Variants in C1orf198 observed in about 807,000 individuals in gnomAD.
The protein encoded by C1orf198 is uncharacterized protein C1orf198.
In C1orf198, 17 loss-of-function variants were observed where a neutral mutation model predicts 31.4. The observed-to-expected ratio is 0.54, with a 90% CI of 0.37 to 0.81. The LOEUF (loss-of-function observed/expected upper bound fraction) is 0.81. C1orf198 is among the 40% of genes least tolerant of loss of function. The pLI, the probability that C1orf198 is intolerant of heterozygous loss-of-function variation, is 0.00. For missense variants in C1orf198, 401 were observed against 450.3 expected (o/e 0.89, Z 0.99); for synonymous variants, 175 against 193.8 (o/e 0.90, Z 0.81).
rs140040505 is a variant in C1orf198 at position 230,848,319 on chromosome 1, G to A, written c.385-4423C>T. On this transcript the variant is annotated intron_variant, in intron 2 of 3. Transcript: ENST00000366663. Reference sequence around the variant, plus strand: ...TGCTGTTCATAATTTTGCAAATAACGTATAACTACAATCTCCTTTAACAAA... The same window carrying A: ...TGCTGTTCATAATTTTGCAAATAACATATAACTACAATCTCCTTTAACAAA... 6.3e-3 allele frequency among the ~76,000 whole-genome samples: 962 copies of A among 152,278 alleles called. 6 individuals carry two copies. Among genetic ancestry groups the A allele is most frequent in the South Asian group, 0.02 (96 of 4,828 alleles).
intron 1 of C1orf198, among the ~76,000 whole-genome samples, chr1:230,865,566 A>G (rs914274619): frequency 6.6e-6 from 1 of 152,226 alleles, no homozygotes; most frequent in Admixed American, 6.5e-5. Flanking sequence ...CACGGCTTCA[A>G]TACTCAAAGG....
chr1:230,838,315 C>T lies in C1orf198; in HGVS notation c.*1537G>A, dbSNP rs536919539. The T allele has an allele frequency of 6.6e-6, 1 of 152,534 alleles. No homozygotes were observed. The highest frequency in any genetic ancestry group is 2.1e-4 in the South Asian group (1 of 4,824). 9.4% of individuals were successfully genotyped at this position (152,534 alleles called of 1,614,324 possible). A position where few individuals can be genotyped will look rare whatever the true frequency, so the allele number is the denominator to read the frequency against. On this transcript the variant is annotated 3_prime_UTR_variant, in exon 4 of 4. Transcript: ENST00000366663. The surrounding 1 kb of genome is among the most constrained non-coding windows in gnomAD (Gnocchi z 4.2). The stretch of plus-strand genomic sequence containing the variant: ...AAATCACTGAAGCAGAAAGATAAAA[C>T]TATACCCCAAGGATCCAAATGAGGT...
chr1:230,867,204 G>C (rs533658371), intron 1 of C1orf198, among the ~76,000 whole-genome samples: 1 of 152,204 alleles, frequency 6.6e-6, no homozygotes, highest in Admixed American at 6.5e-5. Context: ...TGCTCCTCAC[G>C]GCAAAAGTTG....
chr1:230,864,766 G>A (rs1160277395), intron 1 of C1orf198, among the ~76,000 whole-genome samples: 7 of 152,056 alleles, frequency 4.6e-5, no homozygotes, highest in African/African-American at 9.7e-5. Context: ...ATCACAGAAC[G>A]CAGAACCCTG....
In C1orf198 at chr1:230,843,287, G is replaced by A; in HGVS notation, c.927+67C>T. 2 of 1,506,656 alleles carry A rather than the reference G, an allele frequency of 1.3e-6. No homozygotes were observed. The highest frequency in any genetic ancestry group is 2.6e-5 in the South Asian group (2 of 77,366). 93.3% of individuals were successfully genotyped at this position (1,506,656 alleles called of 1,614,324 possible). Reference sequence around the variant, plus strand: ...CCTGTGGCCTGCCTGCTTTGTGGGGGACCCTCTCGGTTCCCGTGGAATAAG... The same window carrying A: ...CCTGTGGCCTGCCTGCTTTGTGGGGAACCCTCTCGGTTCCCGTGGAATAAG... On this transcript the variant is annotated intron_variant, in intron 3 of 3. Transcript: ENST00000366663. This position sits in a 1 kb window ranked among gnomAD's most constrained non-coding sequence, Gnocchi z 4.9.
chr1:230,851,982 C>T (rs1669758655), intron 2 of C1orf198, among the ~76,000 whole-genome samples: 1 of 152,210 alleles, frequency 6.6e-6, no homozygotes, highest in South Asian at 2.1e-4. Context: ...CTTAACTCTG[C>T]CCATGGCCAT....
chr1:230,847,260 C>G (rs1669617884), intron 2 of C1orf198, among the ~76,000 whole-genome samples: 1 of 139,416 alleles, frequency 7.2e-6, no homozygotes, highest in Non-Finnish European at 1.5e-5. Flanking sequence ...GCCTGGGCAA[C>G]AGAATGAGAC....
chr1:230,859,863 T>C (rs1338972321), intron 1 of C1orf198, among the ~76,000 whole-genome samples: 1 of 152,214 alleles, frequency 6.6e-6, no homozygotes, highest in Non-Finnish European at 1.5e-5. Context: ...TTTTTGCTCA[T>C]AGTGCTGGAA....
In C1orf198 at chr1:230,840,486, T is replaced by C. The variant is rs1669411874; in HGVS notation, c.928-578A>G. 1.3e-5 allele frequency among the ~76,000 whole-genome samples: 2 copies of C among 152,234 alleles called. No homozygotes were observed. The highest frequency in any genetic ancestry group is 2.9e-5 in the Non-Finnish European group (2 of 68,042). On this transcript the variant is annotated intron_variant, in intron 3 of 3. Transcript: ENST00000366663. This position sits in a 1 kb window ranked among gnomAD's most constrained non-coding sequence, Gnocchi z 4.0. The stretch of plus-strand genomic sequence containing the variant: ...TCCCACGTAGCTGGGACTACAGGCA[T>C]GCACCAGGCGTGCACCACAAGGCCT...
At chr1:230,858,707 C>T (rs1669935880) in intron 1 of C1orf198, among the ~76,000 whole-genome samples, 1 of 152,210 alleles carries the variant, frequency 6.6e-6, no homozygotes, top group African/African-American at 2.4e-5. Context: ...CAGGGTGGGG[C>T]ATGATGGAGC....
chr1:230,852,595 G>A (rs901159384), intron 2 of C1orf198, among the ~76,000 whole-genome samples: 3 of 152,104 alleles, frequency 2.0e-5, no homozygotes, highest in Admixed American at 6.5e-5. Flanking sequence ...TTCTCGAGAT[G>A]GATGATGGTG....
chr1:230,845,589 A>G (rs534776062), intron 2 of C1orf198, among the ~76,000 whole-genome samples: 254 of 151,914 alleles, frequency 1.7e-3, no homozygotes, highest in African/African-American at 5.7e-3. Flanking sequence ...AGGCTGAGGC[A>G]GGAGAATCGC....
At chr1:230,851,928 C>CA (rs1669756806) in intron 2 of C1orf198, among the ~76,000 whole-genome samples, 1 of 152,228 alleles carries the variant, frequency 6.6e-6, no homozygotes, top group African/African-American at 2.4e-5. Flanking sequence ...GGAACCCATA[C>CA]AGAGGTGCAG....
At chr1:230,862,791 T>G (rs1670030017) in intron 1 of C1orf198, among the ~76,000 whole-genome samples, 1 of 152,194 alleles carries the variant, frequency 6.6e-6, no homozygotes, top group South Asian at 2.1e-4. Context: ...GATGGGTACA[T>G]GTCATTATTC....
chr1:230,866,847 C>T (rs943410238), intron 1 of C1orf198, among the ~76,000 whole-genome samples: 1 of 152,170 alleles, frequency 6.6e-6, no homozygotes, highest in Non-Finnish European at 1.5e-5. Context: ...TTTTCCCCTC[C>T]CCAGTTTACC....
Position 230,843,686 on chromosome 1 carries a change from G to A in C1orf198, c.595C>T (p.Arg199Ter), listed in dbSNP as rs564936718. 9 of 1,614,084 alleles carry A rather than the reference G, an allele frequency of 5.6e-6. No homozygotes were observed. The highest frequency in any genetic ancestry group is 1.3e-5 in the African/African-American group (1 of 75,048). The change falls in exon 3 of 4, where the codon CGA (arginine) becomes TGA (stop). Residue 199 changes from arginine to a stop codon, truncating the protein, a stop_gained. Transcript: ENST00000366663. LOFTEE classifies it high-confidence loss of function. This position sits in a 1 kb window ranked among gnomAD's most constrained non-coding sequence, Gnocchi z 4.9. ...AACTCGGCCTCAGGCCCCTCCCCTC[G>A]GGACCGCTCAGCATTGATCTTCCAG... Reference protein sequence around the residue: ...SFWKINAERSRGEGPEAEFQS... With the variant: ...SFWKINAERS
chr1:230,862,431 T>C (rs905410057), intron 1 of C1orf198, among the ~76,000 whole-genome samples: 2 of 152,236 alleles, frequency 1.3e-5, no homozygotes, highest in South Asian at 4.1e-4. Flanking sequence ...ACACAGATGT[T>C]TTACTCATAA....
intron 1 of C1orf198, among the ~76,000 whole-genome samples, chr1:230,864,281 AG>A (rs1336487729): frequency 2.6e-5 from 4 of 152,206 alleles, no homozygotes; most frequent in Non-Finnish European, 4.4e-5. Context: ...GTTTGCAGAA[AG>A]GTCTTTTGCA....
Position 230,843,397 on chromosome 1 carries a change from T to G in C1orf198, c.884A>C (p.Asp295Ala). Residue 295 changes from aspartate to alanine, a missense_variant, in exon 3 of 4, where the codon GAC (aspartate) becomes GCC (alanine). By Grantham distance (126) the Asp-to-Ala change is moderately radical. Coordinates refer to ENST00000366663, the MANE Select transcript of C1orf198 (RefSeq NM_032800.3). This position sits in a 1 kb window ranked among gnomAD's most constrained non-coding sequence, Gnocchi z 4.9. ...GKLPSPDVRQDDGEDTLFSEP... is the reference protein window; with the variant it reads ...GKLPSPDVRQADGEDTLFSEP... Reference sequence around the variant, plus strand: ...CGAGAACAGGGTGTCTTCCCCATCGTCCTGCCTGACATCAGGAGATGGCAG... The same window carrying G: ...CGAGAACAGGGTGTCTTCCCCATCGGCCTGCCTGACATCAGGAGATGGCAG... 1 of 1,566,516 alleles carries G rather than the reference T, an allele frequency of 6.4e-7. No homozygotes were observed. The highest frequency in any genetic ancestry group is 8.7e-7 in the Non-Finnish European group (1 of 1,155,148).
Sources: gnomAD v4.1 joint callset for allele counts (sites outside exome capture counted in the v4.1 genomes callset) on GRCh38, gnomAD v4.1.1 for gene constraint, Gnocchi (gnomAD v3.1) non-coding constraint, MANE v1.5 for transcripts, NCBI Gene and HGNC (gene_info 2026-07-23, HGNC 2026-07-21) for gene names.